PTPRT: variants seen among roughly 807,000 people sequenced by gnomAD.
PTPRT encodes protein tyrosine phosphatase receptor type T, also known as receptor-type tyrosine-protein phosphatase T.
In PTPRT, 56 loss-of-function variants were observed where a neutral mutation model predicts 176.8. That is an observed-to-expected ratio of 0.32 (90% confidence interval 0.26 to 0.40). The LOEUF (loss-of-function observed/expected upper bound fraction) is 0.40. Ranked by LOEUF, PTPRT falls within the 10% of genes least tolerant of loss-of-function variation. The probability of loss-of-function intolerance (pLI) is 1.00; values close to 1 mark genes in which losing one functional copy is unlikely to be tolerated. For synonymous variants in PTPRT, 783 were observed against 739.0 expected, an observed-to-expected ratio of 1.06 and a Z score of -0.96; for missense variants, 1,540 against 1,908.2, an observed-to-expected ratio of 0.81 and a Z score of 3.60.
chr20:42,455,153 G>A (rs2070898327), intron 8 of PTPRT, among the ~76,000 whole-genome samples: 1 of 152,070 alleles, frequency 6.6e-6, no homozygotes, highest in Non-Finnish European at 1.5e-5. Flanking sequence ...TGAATTAATA[G>A]GGAAGTATAA....
intron 7 of PTPRT, among the ~76,000 whole-genome samples, chr20:42,675,317 A>G (rs1332179443): frequency 6.6e-6 from 1 of 152,224 alleles, no homozygotes; most frequent in Non-Finnish European, 1.5e-5. Context: ...CTTGAATTTC[A>G]GAATATTTGC....
chr20:42,592,751 T>G (rs1204806208), intron 7 of PTPRT, among the ~76,000 whole-genome samples: 1 of 152,206 alleles, frequency 6.6e-6, no homozygotes, highest in Admixed American at 6.5e-5. Context: ...TGTCAGTTTC[T>G]GCTTCCTGGT....
intron 19 of PTPRT, among the ~76,000 whole-genome samples, chr20:42,122,257 C>A (rs1226900156): frequency 6.6e-6 from 1 of 152,130 alleles, no homozygotes; most frequent in Non-Finnish European, 1.5e-5. Flanking sequence ...TTACTATGTG[C>A]CAGGCACTAT....
chr20:42,398,855 C>T (rs1043367691), intron 9 of PTPRT, among the ~76,000 whole-genome samples: 4 of 152,228 alleles, frequency 2.6e-5, no homozygotes, highest in African/African-American at 9.6e-5. Context: ...TCTGCTAGAA[C>T]TGCTCGATGT....
At chr20:42,093,597 C>G (rs973728846) in intron 27 of PTPRT, among the ~76,000 whole-genome samples, 2 of 152,208 alleles carry the variant, frequency 1.3e-5, no homozygotes, top group Non-Finnish European at 1.5e-5. Flanking sequence ...CTGCAGCTTA[C>G]AGGTAGCCCT....
At chr20:42,404,972 T>TTATATATATATATA (rs200602736) in intron 9 of PTPRT, among the ~76,000 whole-genome samples, 1,775 of 77,806 alleles carry the variant, frequency 0.023, 63 homozygotes, top group South Asian at 0.042. Context: ...GGCCAATTAA[T>TTATATATATATATA]TATATATATA....
rs115109813 is a variant in PTPRT, at chr20:42,325,523, C to T, written c.1866-9527G>A. ...CCATAGATTCAGTCCATAAGCAATT[C>T]CCATGGCTTCAGTTTCAATATACTG... On this transcript the variant is annotated intron_variant, in intron 11 of 30. Coordinates refer to ENST00000373187, the MANE Select transcript of PTPRT (RefSeq NM_007050.6). 2.7e-3 allele frequency among the ~76,000 whole-genome samples: 409 copies of T among 152,200 alleles called. 2 individuals carry two copies. The highest frequency in any genetic ancestry group is 9.3e-3 in the African/African-American group (386 of 41,528).
chr20:42,466,142 T>C (rs1170766160), intron 8 of PTPRT, among the ~76,000 whole-genome samples: 2 of 152,214 alleles, frequency 1.3e-5, no homozygotes, highest in East Asian at 3.8e-4. Context: ...ACATTTTCTT[T>C]ATCCAGTCTA....
chr20:42,838,830 G>A (rs113940426), intron 2 of PTPRT, among the ~76,000 whole-genome samples: 80 of 152,090 alleles, frequency 5.3e-4, no homozygotes, highest in African/African-American at 1.8e-3. Flanking sequence ...TTGGCTGCCC[G>A]CCCAGCCGTG....
chr20:42,356,338 C>T (rs1370502761), intron 9 of PTPRT, among the ~76,000 whole-genome samples: 1 of 152,068 alleles, frequency 6.6e-6, no homozygotes, highest in Non-Finnish European at 1.5e-5. Context: ...CAAGGATGTC[C>T]CCCTTCTCTT....
chr20:43,188,749 TGG>T (rs771702039), intron 1 of PTPRT, among the ~76,000 whole-genome samples: 2 of 58,236 alleles, frequency 3.4e-5, no homozygotes, highest in African/African-American at 1.3e-4. Flanking sequence ...CCGCTACTCT[TGG>T]GGGGGGGGGG....
At chr20:42,234,348 G>C (rs1018186168) in intron 15 of PTPRT, among the ~76,000 whole-genome samples, 3 of 152,144 alleles carry the variant, frequency 2.0e-5, no homozygotes, top group Admixed American at 6.5e-5. Flanking sequence ...TTTGCCCAAG[G>C]CTCTATAACC....
At chr20:42,904,682 T>C (rs1317250563) in intron 1 of PTPRT, among the ~76,000 whole-genome samples, 1 of 152,048 alleles carries the variant, frequency 6.6e-6, no homozygotes, top group Non-Finnish European at 1.5e-5. Flanking sequence ...TGCCCAAATG[T>C]TGCACTTCCC....
intron 1 of PTPRT, among the ~76,000 whole-genome samples, chr20:43,169,032 C>T (rs765014620): frequency 1.8e-4 from 28 of 152,138 alleles, no homozygotes; most frequent in Non-Finnish European, 4.0e-4. Context: ...AGAATGGGGC[C>T]AGAGTGCGCA....
At chr20:43,107,283 T>C (rs2012659654) in intron 1 of PTPRT, among the ~76,000 whole-genome samples, 1 of 152,166 alleles carries the variant, frequency 6.6e-6, no homozygotes, top group Non-Finnish European at 1.5e-5. Flanking sequence ...GCTAGTCGGC[T>C]GAGGATGGAC....
intron 8 of PTPRT, among the ~76,000 whole-genome samples, chr20:42,448,884 A>G (rs1272570857): frequency 6.6e-6 from 1 of 152,018 alleles, no homozygotes; most frequent in African/African-American, 2.4e-5. Context: ...CAAAAAAAAA[A>G]TCTCATAACG....
At chr20:42,105,800 C>T (rs1222209815) in intron 24 of PTPRT, among the ~76,000 whole-genome samples, 1 of 152,176 alleles carries the variant, frequency 6.6e-6, no homozygotes, top group Non-Finnish European at 1.5e-5. Context: ...GTATTCACTG[C>T]AGATTCAGAG....
At chr20:42,127,370 GTGTC>G (rs935852224) in intron 19 of PTPRT, among the ~76,000 whole-genome samples, 36 of 151,966 alleles carry the variant, frequency 2.4e-4, no homozygotes, top group Non-Finnish European at 3.5e-4. Context: ...TCATCCTCCA[GTGTC>G]TGTCTGTCTG....
chr20:42,944,220 T>A (rs895419373), intron 1 of PTPRT, among the ~76,000 whole-genome samples: 4 of 152,008 alleles, frequency 2.6e-5, no homozygotes, highest in African/African-American at 9.7e-5. Context: ...CAGTTTAGGA[T>A]TTTAGAGCCG....
Sources: gnomAD v4.1 joint callset for allele counts (sites outside exome capture counted in the v4.1 genomes callset) on GRCh38, gnomAD v4.1.1 for gene constraint, MANE v1.5 for transcripts, NCBI Gene and HGNC (gene_info 2026-07-23, HGNC 2026-07-21) for gene names.